CCSAP: variants seen among roughly 807,000 people sequenced by gnomAD.
CCSAP encodes centriole, cilia and spindle-associated protein.
In CCSAP, 17 loss-of-function variants were observed where a neutral mutation model predicts 25.9. The observed-to-expected ratio is 0.66, with a 90% CI of 0.45 to 0.99. CCSAP has a LOEUF of 0.99. CCSAP is among the 50% of genes least tolerant of loss of function. The pLI is 0.00. For synonymous variants in CCSAP, 169 were observed against 157.1 expected (o/e 1.08, Z -0.57); for missense variants, 339 against 367.8 (o/e 0.92, Z 0.64).
At chr1:229,330,777 G>A (rs377153217) in intron 2 of CCSAP, among the ~76,000 whole-genome samples, 13 of 151,468 alleles carry the variant, frequency 8.6e-5, no homozygotes, top group South Asian at 4.2e-4. Flanking sequence ...CCCGGGAGGC[G>A]GAGCTTGCAG....
At chr1:229,330,258 G>A (rs1658036446) in intron 2 of CCSAP, among the ~76,000 whole-genome samples, 1 of 152,212 alleles carries the variant, frequency 6.6e-6, no homozygotes, top group African/African-American at 2.4e-5. Context: ...TAAAGGATGA[G>A]GAAAGGGTGC....
At chr1:229,335,214 G>A (rs1467048553) in intron 2 of CCSAP, among the ~76,000 whole-genome samples, 8 of 152,082 alleles carry the variant, frequency 5.3e-5, no homozygotes, top group Non-Finnish European at 8.8e-5. Flanking sequence ...AGCTACTCAC[G>A]AGGCTGAGGC....
At position 229,321,973 on chromosome 1, in the gene CCSAP, T is replaced by G. The variant is rs1321227763; in HGVS notation, c.*3262A>C. ...AGCATTTACATTGTATTAGGTATTT[T>G]AAGTAATCTAGAGATGATTTAAAGC... On this transcript the variant is annotated 3_prime_UTR_variant, in exon 4 of 4. Coordinates refer to ENST00000284617, the MANE Select transcript of CCSAP (RefSeq NM_145257.5). The G allele has an allele frequency of 6.6e-6, 1 of 152,246 alleles. No homozygotes were observed. Among genetic ancestry groups the G allele is most frequent in the African/African-American group, 2.4e-5 (1 of 41,460 alleles). The allele number at this position is 152,246 out of a possible 1,614,324, so 9.4% of individuals were successfully genotyped here.
intron 2 of CCSAP, among the ~76,000 whole-genome samples, chr1:229,337,678 A>AAAAAAAATATATATAT: frequency 3.1e-5 from 2 of 65,514 alleles, no homozygotes; most frequent in African/African-American, 1.2e-4. Flanking sequence ...CTCAAAAAAA[A>AAAAAAAATATATATAT]ATATATATAT....
chr1:229,338,294 G>A (rs1027442396), intron 2 of CCSAP, among the ~76,000 whole-genome samples: 1 of 152,144 alleles, frequency 6.6e-6, no homozygotes, highest in Non-Finnish European at 1.5e-5. Flanking sequence ...AAAGGAAAGC[G>A]AAACTGAGTG....
chr1:229,342,069 G>A lies in CCSAP; in HGVS notation c.367+30C>T, dbSNP rs772957610. ...TAGAGCAAACCGTCCCTGCGTGCAGGCCCCTCGCGCTCCCCTCCGGGCCGG... is the reference window on the plus strand; with the variant it reads ...TAGAGCAAACCGTCCCTGCGTGCAGACCCCTCGCGCTCCCCTCCGGGCCGG... On this transcript the variant is annotated intron_variant, in intron 2 of 3. Transcript: ENST00000284617. This position sits in a 1 kb window ranked among gnomAD's most constrained non-coding sequence, Gnocchi z 7.5. 1.5e-6 allele frequency: 2 copies of A among 1,317,544 alleles called. No homozygotes were observed. The highest frequency in any genetic ancestry group is 9.7e-7 in the Non-Finnish European group (1 of 1,036,066). 81.6% of individuals were successfully genotyped at this position (1,317,544 alleles called of 1,614,324 possible). A position where few individuals can be genotyped will look rare whatever the true frequency, so the allele number is the denominator to read the frequency against.
At chr1:229,327,095 A>C (rs1455272174) in intron 2 of CCSAP, 89 bp from the exon 3 acceptor site, 1 of 1,125,502 alleles carries the variant, frequency 8.9e-7, no homozygotes, top group Non-Finnish European at 1.2e-6. Context: ...CATAATGCTT[A>C]AGACAGTAAC....
intron 2 of CCSAP, among the ~76,000 whole-genome samples, chr1:229,335,942 T>C (rs1023653637): frequency 1.3e-5 from 2 of 151,700 alleles, no homozygotes; most frequent in African/African-American, 4.8e-5. Context: ...TAAAAAATAA[T>C]ACAACAATAA....
In CCSAP at chr1:229,342,305, G is replaced by A; in HGVS notation, c.161C>T (p.Pro54Leu). 1.4e-6 allele frequency: 2 copies of A among 1,447,972 alleles called. No homozygotes were observed. The allele number at this position is 1,447,972 out of a possible 1,614,324, so 89.7% of individuals were successfully genotyped here. A position where few individuals can be genotyped will look rare whatever the true frequency, so the allele number is the denominator to read the frequency against. ...CGCCGAGTCCTCCGAGGAGCCGGCC[G>A]GGCCCCAGTCGTCCCAGAGCCAGGG... Reference protein sequence around the residue: ...HAPWLWDDWGPAGSSEDSASS... With the variant: ...HAPWLWDDWGLAGSSEDSASS... The change falls in exon 2 of 4, where the codon CCG becomes CTG. Residue 54 changes from proline (P) to leucine (L), a missense_variant. Physicochemically the swap from Pro to Leu is moderately conservative, Grantham distance 98. Coordinates refer to ENST00000284617, the MANE Select transcript of CCSAP (RefSeq NM_145257.5). The surrounding 1 kb of genome is among the most constrained non-coding windows in gnomAD (Gnocchi z 7.5).
rs886942304 is a variant in CCSAP, at chr1:229,323,879, C to T, written c.*1356G>A. 5.9e-5 allele frequency: 9 copies of T among 152,220 alleles called. No individual in the cohort carries two copies. The highest frequency in any genetic ancestry group is 1.2e-4 in the African/African-American group (5 of 41,448). The allele number at this position is 152,220 out of a possible 1,614,324, so 9.4% of individuals were successfully genotyped here. On this transcript the variant is annotated 3_prime_UTR_variant, in exon 4 of 4. Transcript: ENST00000284617. ...AGCCTCACGTCCACTCACACATCTT[C>T]GGGTGCCAAGCTGGCATAGGCAGAG...
At chr1:229,337,842 T>C (rs542521082) in intron 2 of CCSAP, among the ~76,000 whole-genome samples, 5 of 150,548 alleles carry the variant, frequency 3.3e-5, no homozygotes, top group African/African-American at 1.2e-4. Flanking sequence ...GCATTAGTGA[T>C]AGCTAAAATA....
intron 2 of CCSAP, among the ~76,000 whole-genome samples, chr1:229,337,676 A>T (rs867157202): frequency 4.0e-5 from 2 of 49,934 alleles, no homozygotes; most frequent in African/African-American, 7.6e-5. Flanking sequence ...GGCTCAAAAA[A>T]AAATATATAT....
rs949058214 is a variant in CCSAP at position 229,342,884 on chromosome 1, G to A, written c.-49+28C>T. 1 of 157,830 alleles carries A rather than the reference G, an allele frequency of 6.3e-6. No homozygotes were observed. Among genetic ancestry groups the A allele is most frequent in the Non-Finnish European group, 1.4e-5 (1 of 71,924 alleles). 9.8% of individuals were successfully genotyped at this position (157,830 alleles called of 1,614,324 possible). ...GTCTCCGGAGGCGTCCCCTGAGCTA[G>A]GCGTGCGGTCCCGCGGGGCTGCCTT... On this transcript the variant is annotated intron_variant, in intron 1 of 3. Transcript: ENST00000284617. The surrounding 1 kb of genome is among the most constrained non-coding windows in gnomAD (Gnocchi z 7.5).
intron 2 of CCSAP, among the ~76,000 whole-genome samples, chr1:229,334,523 G>T (rs1247040937): frequency 1.3e-5 from 2 of 151,798 alleles, no homozygotes; most frequent in Non-Finnish European, 2.9e-5. Context: ...AAAAATCAAT[G>T]ATAAGCATCC....
At position 229,326,926 on chromosome 1, in the gene CCSAP, C is replaced by T. The variant is rs763508072; in HGVS notation, c.448G>A (p.Glu150Lys). 2 of 1,614,212 alleles carry T rather than the reference C, an allele frequency of 1.2e-6. No homozygotes were observed. The highest frequency in any genetic ancestry group is 3.3e-5 in the Admixed American group (2 of 60,022). The change falls in exon 3 of 4, where the codon GAG becomes AAG. Residue 150 changes from glutamate (E) to lysine (K), a missense_variant. Physicochemically the swap from Glu to Lys is moderately conservative, Grantham distance 56. Coordinates refer to ENST00000284617, the MANE Select transcript of CCSAP (RefSeq NM_145257.5). ...RETDKSPTSTEPRQQPSALFA... is the reference protein window; with the variant it reads ...RETDKSPTSTKPRQQPSALFA... ...AAGGCACTTGGTTGCTGTCGAGGCT[C>T]AGTACTGGTGGGTGATTTGTCAGTC...
In CCSAP at chr1:229,342,042, C is replaced by A. The variant is rs1658344601; in HGVS notation, c.367+57G>T. On this transcript the variant is annotated intron_variant, in intron 2 of 3. Coordinates refer to ENST00000284617, the MANE Select transcript of CCSAP (RefSeq NM_145257.5). This position sits in a 1 kb window ranked among gnomAD's most constrained non-coding sequence, Gnocchi z 7.5. ...GAAATAAGAGATCAGCTGCTCAGAG[C>A]TTAGAGCAAACCGTCCCTGCGTGCA... 2.3e-6 allele frequency: 3 copies of A among 1,288,514 alleles called. No homozygotes were observed. Among genetic ancestry groups the A allele is most frequent in the Non-Finnish European group, 2.9e-6 (3 of 1,018,616 alleles). The allele number at this position is 1,288,514 out of a possible 1,614,324, so 79.8% of individuals were successfully genotyped here. A position where few individuals can be genotyped will look rare whatever the true frequency, so the allele number is the denominator to read the frequency against.
intron 2 of CCSAP, chr1:229,340,659 G>T: frequency 2.3e-6 from 1 of 429,260 alleles, no homozygotes; most frequent in Non-Finnish European, 4.1e-6. Flanking sequence ...CAGGATTTGT[G>T]GGGATTCACA....
Position 229,342,555 on chromosome 1 carries a change from C to T in CCSAP, c.-48-42G>A. ...ACGACACAGAGGCCGCCCCGCCCCT[C>T]CGCCGGCCCTGCCCGCCGCGACGTT... On this transcript the variant is annotated intron_variant, in intron 1 of 3. Transcript: ENST00000284617. This position sits in a 1 kb window ranked among gnomAD's most constrained non-coding sequence, Gnocchi z 7.5. The T allele has an allele frequency of 1.1e-6, 1 of 893,390 alleles. No individual in the cohort carries two copies. Among genetic ancestry groups the T allele is most frequent in the South Asian group, 5.2e-5 (1 of 19,246 alleles). The allele number at this position is 893,390 out of a possible 1,614,324, so 55.3% of individuals were successfully genotyped here. A position where few individuals can be genotyped will look rare whatever the true frequency, so the allele number is the denominator to read the frequency against.
rs1053308555 is a variant in CCSAP at position 229,342,621 on chromosome 1, C to G, written c.-48-108G>C. On this transcript the variant is annotated intron_variant, in intron 1 of 3. Coordinates refer to ENST00000284617, the MANE Select transcript of CCSAP (RefSeq NM_145257.5). The surrounding 1 kb of genome is among the most constrained non-coding windows in gnomAD (Gnocchi z 7.5). ...GCCCGGACGGGAGCAGGGGGCGGGT[C>G]CCGGCGAGGGCGGGGAGGGGGCGGG... is the stretch of plus-strand genomic sequence containing the variant. The G allele has an allele frequency of 7.9e-5, 35 of 444,236 alleles. No homozygotes were observed. Among genetic ancestry groups the G allele is most frequent in the Non-Finnish European group, 1.2e-4 (32 of 274,220 alleles). The allele number at this position is 444,236 out of a possible 1,614,324, so 27.5% of individuals were successfully genotyped here.
Sources: gnomAD v4.1 joint callset for allele counts (sites outside exome capture counted in the v4.1 genomes callset) on GRCh38, gnomAD v4.1.1 for gene constraint, Gnocchi (gnomAD v3.1) non-coding constraint, MANE v1.5 for transcripts, NCBI Gene and HGNC (gene_info 2026-07-23, HGNC 2026-07-21) for gene names.